Variants in PHACTR2 observed in about 807,000 individuals in gnomAD.
The protein encoded by PHACTR2 is phosphatase and actin regulator 2.
A neutral mutation model predicts 76.0 loss-of-function variants in PHACTR2; 30 were observed. The observed-to-expected ratio is 0.39, with a 90% CI of 0.30 to 0.54. The LOEUF is 0.54. Ranked by LOEUF, PHACTR2 falls within the 20% of genes least tolerant of loss-of-function variation. PHACTR2 has a pLI of 0.61. For synonymous variants in PHACTR2, 292 were observed against 292.5 expected (o/e 1.00, Z 0.02); for missense variants, 696 against 781.1 (o/e 0.89, Z 1.30).
rs970759596 is a variant in PHACTR2 at position 143,546,521 on chromosome 6, G to C, written c.217+9314G>C. Among the ~76,000 whole-genome samples, 1 of 152,072 alleles carries C rather than the reference G, an allele frequency of 6.6e-6. No homozygotes were observed. The highest frequency in any genetic ancestry group is 2.4e-5 in the African/African-American group (1 of 41,396). ...AGTCAGGTCATCAATGTTGATTTAT[G>C]ATCTTTTTTGTTTTATGTATATTTT... On this transcript the variant is annotated intron_variant, in intron 1 of 11. Transcript: ENST00000367584. This position sits in a 1 kb window ranked among gnomAD's most constrained non-coding sequence, Gnocchi z 4.9.
At chr6:143,613,568 G>T (rs9376770) in intron 1 of PHACTR2, among the ~76,000 whole-genome samples, 122,429 of 152,136 alleles carry the variant, frequency 0.8, 49,709 homozygotes, top group Middle Eastern at 0.9. Flanking sequence ...ATGAAGTTTT[G>T]ACTTTTGTTT....
At position 143,652,957 on chromosome 6, in the gene PHACTR2, G is replaced by A. The variant is rs1401580021; in HGVS notation, c.13+44635G>A. ...CATTCACATTATTTCCAGCTGGATT[G>A]AGGCTGGAAGCTCCCTGGCAAGCAA... On this transcript the variant is annotated intron_variant, in intron 1 of 11. Coordinates refer to the PHACTR2 transcript ENST00000305766. The surrounding 1 kb of genome is among the most constrained non-coding windows in gnomAD (Gnocchi z 4.5). Among the ~76,000 whole-genome samples the A allele has an allele frequency of 3.9e-5, 6 of 152,196 alleles. No homozygotes were observed. Among genetic ancestry groups the A allele is most frequent in the Non-Finnish European group, 8.8e-5 (6 of 68,042 alleles).
chr6:143,577,071 C>T (rs1014335710), intron 1 of PHACTR2, among the ~76,000 whole-genome samples: 4 of 151,790 alleles, frequency 2.6e-5, no homozygotes, highest in African/African-American at 9.7e-5. Context: ...GTTATTTACC[C>T]TTATAATTAG....
In PHACTR2 at chr6:143,554,017, C is replaced by T. The variant is rs920655410; in HGVS notation, c.217+16810C>T. ...GGGCCCCTGTAGACCACCGCAATGA[C>T]GTTGACATTTTCTCTGAGTGAGACT... On this transcript the variant is annotated intron_variant, in intron 1 of 11. Transcript: ENST00000367584. This position sits in a 1 kb window ranked among gnomAD's most constrained non-coding sequence, Gnocchi z 5.9. Among the ~76,000 whole-genome samples, 4 of 152,158 alleles carry T rather than the reference C, an allele frequency of 2.6e-5. No homozygotes were observed. Among genetic ancestry groups the T allele is most frequent in the African/African-American group, 7.2e-5 (3 of 41,420 alleles).
chr6:143,778,687 G>A lies in PHACTR2; in HGVS notation c.1645+1304G>A, dbSNP rs142672351. On this transcript the variant is annotated intron_variant, in intron 9 of 12. Transcript: ENST00000440869. ...ATTGCTTTTCATGATAGGTTCCTGG[G>A]AAATGCTTGTTGAATTAAGTTTTAA... 6.4e-4 allele frequency among the ~76,000 whole-genome samples: 97 copies of A among 152,254 alleles called. 1 individual carries two copies. The highest frequency in any genetic ancestry group is 2.0e-3 in the African/African-American group (84 of 41,546).
intron 1 of PHACTR2, among the ~76,000 whole-genome samples, chr6:143,572,329 CAATCT>C (rs1775454229): frequency 6.6e-6 from 1 of 152,170 alleles, no homozygotes; most frequent in South Asian, 2.1e-4. Context: ...ATTTTCCAGT[CAATCT>C]GATCAATATA....
At chr6:143,808,725 C>G (rs950876834) in intron 12 of PHACTR2, among the ~76,000 whole-genome samples, 1 of 151,874 alleles carries the variant, frequency 6.6e-6, no homozygotes, top group African/African-American at 2.4e-5. Context: ...TTTTTTATTT[C>G]CTCCTATATC....
Position 143,571,067 on chromosome 6 carries a change from T to C in PHACTR2, c.217+33860T>C, listed in dbSNP as rs1210696342. Among the ~76,000 whole-genome samples, 1 of 152,206 alleles carries C rather than the reference T, an allele frequency of 6.6e-6. No individual in the cohort carries two copies. Among genetic ancestry groups the C allele is most frequent in the Admixed American group, 6.5e-5 (1 of 15,280 alleles). On this transcript the variant is annotated intron_variant, in intron 1 of 11. Coordinates refer to the PHACTR2 transcript ENST00000367584. The surrounding 1 kb of genome is among the most constrained non-coding windows in gnomAD (Gnocchi z 4.6). ...ATGGAGTTCTCGTATACTCTTCACC[T>C]GGACTCCCCAAATGGTAATATCTTA...
chr6:143,776,698 A>T lies in PHACTR2; in HGVS notation c.1590-630A>T, dbSNP rs1775279450. Among the ~76,000 whole-genome samples, 2 of 152,206 alleles carry T rather than the reference A, an allele frequency of 1.3e-5. No homozygotes were observed. Among genetic ancestry groups the T allele is most frequent in the African/African-American group, 4.8e-5 (2 of 41,446 alleles). ...CAGCTTAGCTTATAGTCTAATTAATATATAGCTCATTAGGGTCTAAAATAG... is the reference window on the plus strand; with the variant it reads ...CAGCTTAGCTTATAGTCTAATTAATTTATAGCTCATTAGGGTCTAAAATAG... On this transcript the variant is annotated intron_variant, in intron 8 of 12. Transcript: ENST00000440869. This position sits in a 1 kb window ranked among gnomAD's most constrained non-coding sequence, Gnocchi z 5.3.
Position 143,623,186 on chromosome 6 carries a change from A to G in PHACTR2, c.13+14864A>G, listed in dbSNP as rs140518181. Reference sequence around the variant, plus strand: ...ATATGTATTTTAAACTAAATTAATAAATTAAATATTGTTATAAGAAAAAAG... The same window carrying G: ...ATATGTATTTTAAACTAAATTAATAGATTAAATATTGTTATAAGAAAAAAG... On this transcript the variant is annotated intron_variant, in intron 1 of 11. Coordinates refer to the PHACTR2 transcript ENST00000305766. This position sits in a 1 kb window ranked among gnomAD's most constrained non-coding sequence, Gnocchi z 5.9. 7.9e-6 allele frequency among the ~76,000 whole-genome samples: 1 copy of G among 127,072 alleles called. No homozygotes were observed. The highest frequency in any genetic ancestry group is 1.7e-5 in the Non-Finnish European group (1 of 57,922). The allele number at this position is 127,072 out of a possible 152,430, so 83.4% of individuals were successfully genotyped here.
At chr6:143,575,737 GTTTA>G (rs1178428665) in intron 1 of PHACTR2, among the ~76,000 whole-genome samples, 28 of 151,972 alleles carry the variant, frequency 1.8e-4, no homozygotes, top group African/African-American at 5.8e-4. Flanking sequence ...ACTATTTAAT[GTTTA>G]TTTATCTTCC....
chr6:143,790,114 G>A (rs1241090408), intron 11 of PHACTR2, among the ~76,000 whole-genome samples: 2 of 152,148 alleles, frequency 1.3e-5, no homozygotes, highest in African/African-American at 2.4e-5. Context: ...GGAAGCCTGT[G>A]GTGGAGACAA....
rs1781123547 is a variant in PHACTR2, at chr6:143,537,033, C to G, written c.43C>G (p.Pro15Ala). Residue 15 changes from proline to alanine, a missense_variant, in exon 1 of 12, where the codon CCG (proline) becomes GCG (alanine). Pro to Ala is a conservative substitution (Grantham distance 27, BLOSUM62 -1). Transcript: ENST00000367584. The surrounding 1 kb of genome is among the most constrained non-coding windows in gnomAD (Gnocchi z 4.4). ...GCGCCCCGCGGCGTCCCCGGTCGAT[C>G]CGGCCGGGCAGGCGGCGGCGGTCCC... is the stretch of plus-strand genomic sequence containing the variant. 1 of 175,274 alleles carries G rather than the reference C, an allele frequency of 5.7e-6. No homozygotes were observed. The highest frequency in any genetic ancestry group is 2.4e-5 in the African/African-American group (1 of 41,552). 10.9% of individuals were successfully genotyped at this position (175,274 alleles called of 1,614,324 possible).
chr6:143,809,363 T>G lies in PHACTR2; in HGVS notation c.1922+2230T>G, dbSNP rs557893242. ...GTTTTTGTGGGGGTATTTTTTGTTT[T>G]TTTGTTTGTTTGTTTGTTTGTTTTT... On this transcript the variant is annotated intron_variant, in intron 12 of 12. Coordinates refer to ENST00000440869, the MANE Select transcript of PHACTR2 (RefSeq NM_001100164.2). The surrounding 1 kb of genome is among the most constrained non-coding windows in gnomAD (Gnocchi z 4.2). Among the ~76,000 whole-genome samples, 4 of 152,126 alleles carry G rather than the reference T, an allele frequency of 2.6e-5. No individual in the cohort carries two copies. The highest frequency in any genetic ancestry group is 4.4e-5 in the Non-Finnish European group (3 of 67,978).
intron 1 of PHACTR2, among the ~76,000 whole-genome samples, chr6:143,565,590 G>C (rs1237523686): frequency 7.0e-6 from 1 of 143,760 alleles, no homozygotes; most frequent in Non-Finnish European, 1.5e-5. Flanking sequence ...GGGTGACAGA[G>C]CGAGACTCCG....
At position 143,639,489 on chromosome 6, in the gene PHACTR2, A is replaced by G. The variant is rs1185574270; in HGVS notation, c.13+31167A>G. ...TCACACTTTTGTTTTCTGCTTATGT[A>G]GATCACCTATTTTTACTTTTGGCAT... On this transcript the variant is annotated intron_variant, in intron 1 of 11. Coordinates refer to the PHACTR2 transcript ENST00000305766. The surrounding 1 kb of genome is among the most constrained non-coding windows in gnomAD (Gnocchi z 5.0). Among the ~76,000 whole-genome samples the G allele has an allele frequency of 2.0e-5, 3 of 152,326 alleles. No individual in the cohort carries two copies. The highest frequency in any genetic ancestry group is 7.2e-5 in the African/African-American group (3 of 41,582).
At chr6:143,586,888 G>A (rs1048321628) in intron 1 of PHACTR2, among the ~76,000 whole-genome samples, 2 of 152,036 alleles carry the variant, frequency 1.3e-5, no homozygotes, top group African/African-American at 4.8e-5. Flanking sequence ...GTCGAGTCCC[G>A]CCTCCTACCT....
chr6:143,626,224 G>T (rs562625411), intron 1 of PHACTR2, among the ~76,000 whole-genome samples: 8 of 152,160 alleles, frequency 5.3e-5, no homozygotes, highest in Non-Finnish European at 1.0e-4. Context: ...ACCTTTAGTG[G>T]CCCAAATTGG....
chr6:143,767,157 T>C lies in PHACTR2; in HGVS notation c.1232+1359T>C, dbSNP rs1006547452. 6.6e-5 allele frequency among the ~76,000 whole-genome samples: 10 copies of C among 152,358 alleles called. No homozygotes were observed. In the East Asian group the frequency reaches 1.9e-3, roughly 29 times the overall value. On this transcript the variant is annotated intron_variant, in intron 6 of 12. Coordinates refer to ENST00000440869, the MANE Select transcript of PHACTR2 (RefSeq NM_001100164.2). This position sits in a 1 kb window ranked among gnomAD's most constrained non-coding sequence, Gnocchi z 4.4. ...GGAACTAAGCACTGTACATGTATTA[T>C]CATTTTATTTACACAAGTCTTCCCA...
Sources: gnomAD v4.1 joint callset for allele counts (sites outside exome capture counted in the v4.1 genomes callset) on GRCh38, gnomAD v4.1.1 for gene constraint, Gnocchi (gnomAD v3.1) non-coding constraint, MANE v1.5 for transcripts, NCBI Gene and HGNC (gene_info 2026-07-23, HGNC 2026-07-21) for gene names.